The following MARCHF1 variants were observed in gnomAD, a reference collection of about 807,000 sequenced individuals.
MARCHF1 encodes the protein E3 ubiquitin-protein ligase MARCHF1.
MARCHF1 carries 40 observed loss-of-function variants against 54.2 expected under a neutral mutation model. That is an observed-to-expected ratio of 0.74 (90% CI 0.57 to 0.96). MARCHF1 has a LOEUF of 0.96. Among genes scored for constraint, MARCHF1 ranks in the 40% least tolerant of loss-of-function variants. The probability of loss-of-function intolerance (pLI) is 0.00; values close to 1 mark genes in which losing one functional copy is unlikely to be tolerated. For missense variants in MARCHF1, 586 were observed against 656.5 expected (o/e 0.89, Z 1.17); for synonymous variants, 236 against 236.3 (o/e 1.00, Z 0.01).
chr4:164,004,363 A>C (rs1261039866), intron 2 of MARCHF1, among the ~76,000 whole-genome samples: 2 of 152,144 alleles, frequency 1.3e-5, no homozygotes, highest in Non-Finnish European at 2.9e-5. Context: ...TGCATATCAT[A>C]ATAGAAATCC....
At chr4:164,255,273 G>A (rs1325035550) in intron 1 of MARCHF1, among the ~76,000 whole-genome samples, 2 of 151,256 alleles carry the variant, frequency 1.3e-5, no homozygotes, top group African/African-American at 4.9e-5. Flanking sequence ...AATATATGAA[G>A]TTTAAAAAAT....
chr4:163,565,372 T>C (rs916028931), intron 8 of MARCHF1, among the ~76,000 whole-genome samples: 3 of 152,186 alleles, frequency 2.0e-5, no homozygotes, highest in Non-Finnish European at 4.4e-5. Context: ...GTGACAAGGT[T>C]TGCAACAGTG....
At chr4:164,242,788 T>C (rs948678774) in intron 1 of MARCHF1, among the ~76,000 whole-genome samples, 5 of 151,676 alleles carry the variant, frequency 3.3e-5, no homozygotes, top group African/African-American at 9.7e-5. Context: ...CTTAAAGGAG[T>C]TGATAGAGCT....
At position 164,338,786 on chromosome 4, in the gene MARCHF1, A is replaced by G. The variant is rs571924469; in HGVS notation, c.-323+45084T>C. The stretch of plus-strand genomic sequence containing the variant: ...TTGGGAGTTTGAGACCAGCCTTACC[A>G]CCATGGAGAAACCCCATCTCTAATA... On this transcript the variant is annotated intron_variant, in intron 1 of 9. Coordinates refer to ENST00000514618, the MANE Select transcript of MARCHF1 (RefSeq NM_001394959.1). Among the ~76,000 whole-genome samples, 3 of 152,258 alleles carry G rather than the reference A, an allele frequency of 2.0e-5. No individual in the cohort carries two copies. In the East Asian group the frequency reaches 5.8e-4, roughly 29 times the overall value.
At chr4:163,544,688 T>C (rs554318938) in intron 9 of MARCHF1, among the ~76,000 whole-genome samples, 1 of 145,854 alleles carries the variant, frequency 6.9e-6, no homozygotes, top group East Asian at 2.0e-4. Context: ...TCCTCCTTAT[T>C]TATATTTTTC....
chr4:163,730,689 AT>A (rs1181118159), intron 4 of MARCHF1, among the ~76,000 whole-genome samples: 2 of 151,392 alleles, frequency 1.3e-5, no homozygotes, highest in Non-Finnish European at 2.9e-5. Flanking sequence ...TTATTTTTTG[AT>A]TGTTGTAAGT....
At chr4:164,245,350 A>G (rs1441803624) in intron 1 of MARCHF1, among the ~76,000 whole-genome samples, 3 of 152,214 alleles carry the variant, frequency 2.0e-5, no homozygotes. Context: ...GACAAAAACC[A>G]CATGATTATC....
At chr4:163,573,296 TTATTATTATTATTA>T (rs1375351639) in intron 8 of MARCHF1, among the ~76,000 whole-genome samples, 2 of 19,842 alleles carry the variant, frequency 1.0e-4, no homozygotes, top group Non-Finnish European at 1.6e-4. Context: ...GCTTTTTCTC[TTATTATTATTATTA>T]TTATTATTAT....
At chr4:163,791,134 A>G (rs950523699) in intron 4 of MARCHF1, among the ~76,000 whole-genome samples, 13 of 152,138 alleles carry the variant, frequency 8.5e-5, no homozygotes, top group African/African-American at 3.1e-4. Flanking sequence ...GTAGGAGAAC[A>G]TTTACTCAGT....
chr4:163,821,714 G>A (rs1372902087), intron 4 of MARCHF1, among the ~76,000 whole-genome samples: 1 of 150,848 alleles, frequency 6.6e-6, no homozygotes, highest in Non-Finnish European at 1.5e-5. Context: ...GTGTTTTGTA[G>A]AATAAAAGAC....
intron 1 of MARCHF1, among the ~76,000 whole-genome samples, chr4:164,198,360 A>G (rs1731341791): frequency 6.6e-6 from 1 of 152,182 alleles, no homozygotes; most frequent in South Asian, 2.1e-4. Context: ...GGCAAGTGGT[A>G]GAGGAATAAA....
At chr4:164,259,268 C>T (rs1320181924) in intron 1 of MARCHF1, among the ~76,000 whole-genome samples, 1 of 151,904 alleles carries the variant, frequency 6.6e-6, no homozygotes, top group Admixed American at 6.6e-5. Context: ...CTGGGCCGGG[C>T]GTGGTGGCTC....
Position 164,265,989 on chromosome 4 carries a change from T to C in MARCHF1, c.-323+117881A>G, listed in dbSNP as rs1579674197. ...TGTTGTTTAACACTTGTTTTCACTA[T>C]AAGACTGTAATTACATGCAAGTAAG... On this transcript the variant is annotated intron_variant, in intron 1 of 9. Coordinates refer to ENST00000514618, the MANE Select transcript of MARCHF1 (RefSeq NM_001394959.1). 2.0e-5 allele frequency among the ~76,000 whole-genome samples: 3 copies of C among 152,310 alleles called. No homozygotes were observed. The South Asian group carries it at 6.2e-4, about 32-fold the overall frequency.
At chr4:164,046,564 T>C (rs1356269468) in intron 2 of MARCHF1, among the ~76,000 whole-genome samples, 2 of 152,234 alleles carry the variant, frequency 1.3e-5, no homozygotes, top group South Asian at 2.1e-4. Context: ...ACTCATTAAA[T>C]GCTTAATCTG....
At chr4:164,087,832 G>T (rs1365840090) in intron 2 of MARCHF1, among the ~76,000 whole-genome samples, 2 of 147,732 alleles carry the variant, frequency 1.4e-5, no homozygotes, top group East Asian at 2.0e-4. Context: ...GTGCCTCATA[G>T]CATTTTTCTG....
intron 2 of MARCHF1, among the ~76,000 whole-genome samples, chr4:164,092,507 G>C (rs942330464): frequency 7.2e-5 from 11 of 152,090 alleles, no homozygotes; most frequent in African/African-American, 2.7e-4. Flanking sequence ...ATATAAACAG[G>C]TTTATAAGCT....
chr4:164,168,460 A>G (rs1730437741), intron 1 of MARCHF1, among the ~76,000 whole-genome samples: 1 of 152,088 alleles, frequency 6.6e-6, no homozygotes, highest in South Asian at 2.1e-4. Flanking sequence ...TCATTAAAGC[A>G]TATTCACAAT....
At chr4:164,247,383 C>T (rs992092980) in intron 1 of MARCHF1, among the ~76,000 whole-genome samples, 1 of 150,580 alleles carries the variant, frequency 6.6e-6, no homozygotes, top group Non-Finnish European at 1.5e-5. Context: ...CGCATATTCT[C>T]ACTCATAGGT....
At chr4:164,248,449 G>C (rs1023660063) in intron 1 of MARCHF1, among the ~76,000 whole-genome samples, 11 of 151,858 alleles carry the variant, frequency 7.2e-5, no homozygotes, top group Admixed American at 7.2e-4. Flanking sequence ...GGAGAAAAAA[G>C]GATTATTAGT....
Sources: allele counts gnomAD v4.1 joint callset (sites outside exome capture counted in the v4.1 genomes callset), GRCh38; gene constraint gnomAD v4.1.1; transcripts MANE v1.5; gene names NCBI Gene and HGNC (gene_info 2026-07-23, HGNC 2026-07-21).